DNAH3: variants seen among roughly 807,000 people sequenced by gnomAD.
DNAH3 encodes the protein axonemal beta dynein heavy chain 3.
DNAH3 carries 332 observed loss-of-function variants against 432.5 expected under a neutral mutation model. The ratio of observed to expected loss-of-function variants is 0.77; its 90% CI spans 0.70 to 0.84. The LOEUF (loss-of-function observed/expected upper bound fraction) is 0.84, where lower values mean the gene tolerates loss of function less well. Among genes scored for constraint, DNAH3 ranks in the 40% least tolerant of loss-of-function variants. The probability of loss-of-function intolerance (pLI) is 0.00; values close to 1 mark genes in which losing one functional copy is unlikely to be tolerated. For missense variants in DNAH3, 4,861 were observed against 5,114.0 expected (o/e 0.95, Z 1.51); for synonymous variants, 1,956 against 1,900.2 (o/e 1.03, Z -0.76).
chr16:20,965,197 C>T (rs748512714), exon 53 of DNAH3: 26 of 1,613,920 alleles, frequency 1.6e-5, no homozygotes, highest in Middle Eastern at 1.6e-4. Context: ...CTTGGCCACG[C>T]GATCGTACAC....
intron 31 of DNAH3, among the ~76,000 whole-genome samples, chr16:21,048,538 C>T (rs998336750): frequency 7.9e-5 from 12 of 152,184 alleles, no homozygotes; most frequent in African/African-American, 1.4e-4. Context: ...CTTCGGCTGG[C>T]GCACGGTGCA....
intron 7 of DNAH3, among the ~76,000 whole-genome samples, chr16:21,131,996 A>G (rs918894165): frequency 6.6e-6 from 1 of 152,198 alleles, no homozygotes; most frequent in Non-Finnish European, 1.5e-5. Context: ...ATCCCATTCT[A>G]TAAGTTATTA....
intron 55 of DNAH3, 46 bp downstream of exon 55, chr16:20,954,767 T>A (rs2084483352): frequency 6.3e-7 from 1 of 1,598,472 alleles, no homozygotes; most frequent in Non-Finnish European, 8.5e-7. Flanking sequence ...TATATGTGTC[T>A]GATATCCTTT....
chr16:21,083,720 C>G (rs1040180902), intron 19 of DNAH3, among the ~76,000 whole-genome samples: 2 of 152,178 alleles, frequency 1.3e-5, no homozygotes, highest in Admixed American at 6.5e-5. Flanking sequence ...CCTGCCAGAG[C>G]TAGCATCTGT....
chr16:21,103,549 C>G (rs751244134), intron 16 of DNAH3, among the ~76,000 whole-genome samples: 3 of 152,164 alleles, frequency 2.0e-5, no homozygotes, highest in Non-Finnish European at 4.4e-5. Context: ...TACACACACA[C>G]TCACAAACAC....
chr16:21,142,421 CTT>C (rs924461558), intron 3 of DNAH3, among the ~76,000 whole-genome samples: 3 of 151,968 alleles, frequency 2.0e-5, no homozygotes, highest in African/African-American at 4.8e-5. Context: ...ATAAAATAAA[CTT>C]AGTACATTTA....
chr16:20,969,730 G>A, intron 52 of DNAH3, 62 bp downstream of exon 52: 1 of 1,552,496 alleles, frequency 6.4e-7, no homozygotes, highest in Non-Finnish European at 8.9e-7. Context: ...TGCAGTGGGT[G>A]CTGGCACCCC....
At position 21,104,693 on chromosome 16, in the gene DNAH3, G is replaced by A; in HGVS notation, c.2285-141C>T. ...ACAGAACAAGAGGTCAACAGGAGTG[G>A]TGTGGGGGTGGCAATGAACACATGG... On this transcript the variant is annotated intron_variant, in intron 15 of 61. Transcript: ENST00000261383. The A allele has an allele frequency of 1.2e-5, 8 of 689,934 alleles. No homozygotes were observed. The South Asian group carries it at 1.3e-4, about 12-fold the overall frequency. 42.7% of individuals were successfully genotyped at this position (689,934 alleles called of 1,614,324 possible).
intron 22 of DNAH3, among the ~76,000 whole-genome samples, chr16:21,070,117 G>T (rs777127071): frequency 1.3e-5 from 2 of 151,968 alleles, no homozygotes; most frequent in African/African-American, 4.8e-5. Context: ...CCTATCTTCG[G>T]GTAGCTTACA....
chr16:20,991,715 T>C (rs1374848543), intron 44 of DNAH3, among the ~76,000 whole-genome samples: 1 of 152,242 alleles, frequency 6.6e-6, no homozygotes, highest in African/African-American at 2.4e-5. Flanking sequence ...ATGCAGTTTA[T>C]CACGTTCCTC....
chr16:21,138,769 C>T (rs896243708), intron 5 of DNAH3, among the ~76,000 whole-genome samples: 1 of 151,510 alleles, frequency 6.6e-6, no homozygotes, highest in Non-Finnish European at 1.5e-5. Context: ...GAGATCGTGC[C>T]ACTGCACTCT....
At chr16:21,088,439 G>A (rs1002641720) in intron 18 of DNAH3, among the ~76,000 whole-genome samples, 4 of 152,150 alleles carry the variant, frequency 2.6e-5, no homozygotes, top group African/African-American at 7.2e-5. Flanking sequence ...CAATCACTCA[G>A]GCAAAGAGGA....
chr16:21,153,856 C>G (rs563157423), intron 1 of DNAH3, among the ~76,000 whole-genome samples: 15 of 152,182 alleles, frequency 9.9e-5, no homozygotes, highest in African/African-American at 1.4e-4. Context: ...TCCATTTTCC[C>G]CCTTTTTCTA....
intron 27 of DNAH3, among the ~76,000 whole-genome samples, chr16:21,056,663 T>G (rs2090147236): frequency 6.6e-6 from 1 of 152,138 alleles, no homozygotes; most frequent in Non-Finnish European, 1.5e-5. Flanking sequence ...AAGGGAAGGA[T>G]GATTATTCTG....
At chr16:20,989,107 C>T (rs944151616) in intron 44 of DNAH3, among the ~76,000 whole-genome samples, 3 of 152,178 alleles carry the variant, frequency 2.0e-5, no homozygotes, top group African/African-American at 4.8e-5. Context: ...GAGACCCGAG[C>T]GGGTTACCAC....
exon 30 of DNAH3, chr16:21,049,950 G>A (rs773050354): frequency 2.5e-6 from 4 of 1,614,208 alleles, no homozygotes; most frequent in Non-Finnish European, 2.5e-6. Flanking sequence ...GGTGGTTTCT[G>A]TCTTGCCAGT....
intron 1 of DNAH3, among the ~76,000 whole-genome samples, chr16:21,151,733 G>A (rs772929578): frequency 5.3e-5 from 8 of 152,100 alleles, no homozygotes; most frequent in Non-Finnish European, 1.2e-4. Context: ...GATAAACACA[G>A]AAATACATGT....
At chr16:21,067,108 C>T (rs1344978950) in intron 24 of DNAH3, among the ~76,000 whole-genome samples, 175 bp downstream of exon 24, 2 of 152,182 alleles carry the variant, frequency 1.3e-5, no homozygotes, top group East Asian at 1.9e-4. Flanking sequence ...TTCAACCTCA[C>T]GCTAAGTAAA....
chr16:21,006,225 C>G (rs1170443714), intron 41 of DNAH3, among the ~76,000 whole-genome samples: 1 of 152,182 alleles, frequency 6.6e-6, no homozygotes, highest in African/African-American at 2.4e-5. Flanking sequence ...CTCGCTGGTT[C>G]TAATTCACTT....
Sources: allele counts gnomAD v4.1 joint callset (sites outside exome capture counted in the v4.1 genomes callset), GRCh38; gene constraint gnomAD v4.1.1; transcripts MANE v1.5; gene names NCBI Gene and HGNC (gene_info 2026-07-23, HGNC 2026-07-21).